The following ZNF587 variants were observed in gnomAD, a reference collection of about 807,000 sequenced individuals.
The protein encoded by ZNF587 is zinc finger protein 587, also known as zinc finger protein zfp6.
ZNF587 carries 8 observed loss-of-function variants against 7.5 expected under a neutral mutation model. The observed-to-expected ratio is 1.06, with a 90% confidence interval of 0.62 to 1.92. The LOEUF is 1.92. ZNF587 is among the 40% of genes most tolerant of loss of function. The pLI, the probability that ZNF587 is intolerant of heterozygous loss-of-function variation, is 0.00. For missense variants in ZNF587, 468 were observed against 692.8 expected (o/e 0.68, Z 3.64); for synonymous variants, 145 against 237.8 (o/e 0.61, Z 3.59).
intron 1 of ZNF587, among the ~76,000 whole-genome samples, chr19:57,855,547 G>C (rs901207982): frequency 1.7e-4 from 26 of 151,352 alleles, no homozygotes; most frequent in African/African-American, 5.4e-4. Context: ...TGTTCAGAAG[G>C]GGGTGTGGGC....
rs1212289074 is a variant in ZNF587 at position 57,864,501 on chromosome 19, A to G, written c.*4361A>G. The G allele has an allele frequency of 6.6e-6, 1 of 152,058 alleles. No individual in the cohort carries two copies. The highest frequency in any genetic ancestry group is 1.5e-5 in the Non-Finnish European group (1 of 68,012). 9.4% of individuals were successfully genotyped at this position (152,058 alleles called of 1,614,324 possible). A position where few individuals can be genotyped will look rare whatever the true frequency, so the allele number is the denominator to read the frequency against. On this transcript the variant is annotated 3_prime_UTR_variant, in exon 3 of 3. Coordinates refer to ENST00000339656, the MANE Select transcript of ZNF587 (RefSeq NM_032828.4). ...GGCATGGCACTTGAGAAATGTGAAT[A>G]AGATTGTAAGTTACAAATAGCAAGG... is the stretch of plus-strand genomic sequence containing the variant.
chr19:57,858,577 T>C lies in ZNF587; in HGVS notation c.165T>C (p.Gly55=), dbSNP rs1256196089. ...LENLALISSL[G]CWCGSKDEEA... ...TGACCAGCATTTTCTTGCTTTCAGG[T>C]TGTTGGTGTGGATCAAAAGATGAGG... The change falls in exon 3 of 3, where the codon GGT becomes GGC. Residue 55 remains glycine, a splice_region_variant and synonymous_variant. Coordinates refer to ENST00000339656, the MANE Select transcript of ZNF587 (RefSeq NM_032828.4). 6.2e-7 allele frequency: 1 copy of C among 1,601,608 alleles called. No homozygotes were observed. Among genetic ancestry groups the C allele is most frequent in the Non-Finnish European group, 8.5e-7 (1 of 1,172,474 alleles).
Position 57,859,444 on chromosome 19 carries a change from A to G in ZNF587, c.1032A>G (p.Gln344=). Residue 344 remains glutamine, a synonymous_variant, in exon 3 of 3, where the codon CAA becomes CAG. Transcript: ENST00000339656. ...GQKGNLIQHQ[Q]GHTGERAYHC... is the part of the protein sequence containing the mutation. Reference sequence around the variant, plus strand: ...AGGGTAACCTCATTCAACATCAGCAAGGTCACACTGGAGAGAGAGCTTATC... The same window carrying G: ...AGGGTAACCTCATTCAACATCAGCAGGGTCACACTGGAGAGAGAGCTTATC... The G allele has an allele frequency of 1.2e-6, 2 of 1,611,972 alleles. No homozygotes were observed. The highest frequency in any genetic ancestry group is 1.4e-5 in the African/African-American group (1 of 73,116).
At position 57,856,161 on chromosome 19, in the gene ZNF587, C is replaced by G; in HGVS notation, c.91C>G (p.Leu31Val). Reference protein sequence around the residue: ...AVNFSQEEWCLLSEAQRCLYR... With the variant: ...AVNFSQEEWCVLSEAQRCLYR... ...GAACTTTTCCCAGGAGGAGTGGTGTCTTCTTAGTGAGGCTCAGAGGTGCTT... is the reference window on the plus strand; with the variant it reads ...GAACTTTTCCCAGGAGGAGTGGTGTGTTCTTAGTGAGGCTCAGAGGTGCTT... The change falls in exon 2 of 3, where the codon CTT (leucine) becomes GTT (valine). Residue 31 changes from leucine to valine, a missense_variant. Leu to Val is a conservative substitution (Grantham distance 32, BLOSUM62 1). Transcript: ENST00000339656. 1 of 1,613,156 alleles carries G rather than the reference C, an allele frequency of 6.2e-7. No individual in the cohort carries two copies. Among genetic ancestry groups the G allele is most frequent in the South Asian group, 1.1e-5 (1 of 91,016 alleles).
chr19:57,853,075 A>T (rs1159295268), intron 1 of ZNF587, among the ~76,000 whole-genome samples: 2 of 150,398 alleles, frequency 1.3e-5, no homozygotes, highest in Non-Finnish European at 3.0e-5. Context: ...CTAGTCTCAA[A>T]CTCCTGACCT....
At chr19:57,854,724 C>A (rs551265623) in intron 1 of ZNF587, among the ~76,000 whole-genome samples, 2 of 151,960 alleles carry the variant, frequency 1.3e-5, no homozygotes, top group African/African-American at 4.8e-5. Flanking sequence ...GGCCGTTATA[C>A]CCTCTTCATC....
rs772512985 is a variant in ZNF587, at chr19:57,850,017, C to T, written c.-22C>T. The T allele has an allele frequency of 9.3e-6, 15 of 1,614,210 alleles. 1 individual carries two copies. In the Admixed American group the frequency reaches 2.3e-4, roughly 25 times the overall value. ...CGTGACGGCGACCACTGCTCCCGGGCCGTGCTTCCCCAAGTAGTCCGATGG... is the reference window on the plus strand; with the variant it reads ...CGTGACGGCGACCACTGCTCCCGGGTCGTGCTTCCCCAAGTAGTCCGATGG... On this transcript the variant is annotated 5_prime_UTR_variant, in exon 1 of 3. Transcript: ENST00000339656.
At position 57,864,868 on chromosome 19, in the gene ZNF587, A is replaced by C. The variant is rs906914370; in HGVS notation, c.*4728A>C. 2 of 152,186 alleles carry C rather than the reference A, an allele frequency of 1.3e-5. No homozygotes were observed. The highest frequency in any genetic ancestry group is 6.5e-5 in the Admixed American group (1 of 15,272). 9.4% of individuals were successfully genotyped at this position (152,186 alleles called of 1,614,324 possible). ...AGCCTTCCTGGAAAATGGAGGTTGCAATCAGCCGAGATGGTGCCATCGCAC... is the reference window on the plus strand; with the variant it reads ...AGCCTTCCTGGAAAATGGAGGTTGCCATCAGCCGAGATGGTGCCATCGCAC... On this transcript the variant is annotated 3_prime_UTR_variant, in exon 3 of 3. Transcript: ENST00000339656.
At chr19:57,855,066 C>T (rs2071334443) in intron 1 of ZNF587, among the ~76,000 whole-genome samples, 2 of 152,112 alleles carry the variant, frequency 1.3e-5, no homozygotes, top group Admixed American at 6.6e-5. Flanking sequence ...CACCTGTAGT[C>T]CCAGCTACTC....
chr19:57,855,281 G>T (rs2071337377), intron 1 of ZNF587, among the ~76,000 whole-genome samples: 1 of 152,040 alleles, frequency 6.6e-6, no homozygotes, highest in South Asian at 2.1e-4. Flanking sequence ...GGAGGCGGAG[G>T]CTGCAGTGAG....
chr19:57,858,380 G>C (rs1726620355), intron 2 of ZNF587, 196 bp from the exon 3 acceptor site: 11 of 1,132,210 alleles, frequency 9.7e-6, no homozygotes, highest in Non-Finnish European at 1.3e-5. Flanking sequence ...ACCCGCCTCA[G>C]CCTCCCAAAG....
At chr19:57,857,399 C>G (rs1286203999) in intron 2 of ZNF587, 1 of 152,094 alleles carries the variant, frequency 6.6e-6, no homozygotes, top group Non-Finnish European at 1.5e-5. Flanking sequence ...ATATCCACCC[C>G]AGCACTAATA....
intron 1 of ZNF587, 124 bp downstream of exon 1, chr19:57,850,195 C>G: frequency 1.3e-6 from 2 of 1,566,786 alleles, no homozygotes; most frequent in Admixed American, 1.8e-5. Flanking sequence ...CTGAGGCGCT[C>G]ACAGGAGGCC....
intron 2 of ZNF587, among the ~76,000 whole-genome samples, chr19:57,857,611 T>C (rs1180929312): frequency 6.7e-6 from 1 of 148,256 alleles, no homozygotes; most frequent in Non-Finnish European, 1.5e-5. Flanking sequence ...TATGTGTGTA[T>C]GTGTATATAT....
intron 1 of ZNF587, among the ~76,000 whole-genome samples, chr19:57,855,608 G>C (rs1169813194): frequency 3.3e-5 from 5 of 150,894 alleles, no homozygotes; most frequent in East Asian, 2.0e-4. Context: ...GTTGGCCAGG[G>C]TGGAGTGCAG....
chr19:57,858,147 A>AT (rs1353488594), intron 2 of ZNF587: 2 of 84,424 alleles, frequency 2.4e-5, no homozygotes, highest in Non-Finnish European at 4.4e-5. Flanking sequence ...TTTTTTTGTG[A>AT]TTGAGTCTCA....
chr19:57,860,135 T>C lies in ZNF587; in HGVS notation c.1723T>C (p.Leu575=). 6.2e-7 allele frequency: 1 copy of C among 1,614,114 alleles called. No homozygotes were observed. The highest frequency in any genetic ancestry group is 1.1e-5 in the South Asian group (1 of 91,074). The change falls in exon 3 of 3, where the codon TTA becomes CTA. Residue 575 remains leucine, a synonymous_variant. Coordinates refer to ENST00000339656, the MANE Select transcript of ZNF587 (RefSeq NM_032828.4). ...TCAGAGTTCACACAGGAGAAAGGCC[T>C]TATGAGTGCAGTGAATATGGGAAAT... ...HHQSSHRRKA[L]
chr19:57,850,129 CA>C, intron 1 of ZNF587, 58 bp downstream of exon 1: 1 of 1,614,066 alleles, frequency 6.2e-7, no homozygotes, highest in South Asian at 1.1e-5. Context: ...GGTCCTAAAC[CA>C]GCGAGGGAGC....
In ZNF587 at chr19:57,860,218, C is replaced by T; in HGVS notation, c.*78C>T. 20 of 1,608,326 alleles carry T rather than the reference C, an allele frequency of 1.2e-5. No homozygotes were observed. Among genetic ancestry groups the T allele is most frequent in the Non-Finnish European group, 1.7e-5 (20 of 1,176,302 alleles). ...AGGAGAGTTCATACTGGAGAAAGGCCTTATGAGTGCTGTCAATGTGGAAAA... is the reference window on the plus strand; with the variant it reads ...AGGAGAGTTCATACTGGAGAAAGGCTTTATGAGTGCTGTCAATGTGGAAAA... On this transcript the variant is annotated 3_prime_UTR_variant, in exon 3 of 3. Transcript: ENST00000339656.
Sources: gnomAD v4.1 joint callset for allele counts (sites outside exome capture counted in the v4.1 genomes callset) on GRCh38, gnomAD v4.1.1 for gene constraint, MANE v1.5 for transcripts, NCBI Gene and HGNC (gene_info 2026-07-23, HGNC 2026-07-21) for gene names.